The following FBN1 variants were observed in gnomAD, a reference collection of about 807,000 sequenced individuals.
The protein encoded by FBN1 is fibrillin-1.
In FBN1, 29 loss-of-function variants were observed where a neutral mutation model predicts 365.1. The observed-to-expected ratio is 0.08, with a 90% CI of 0.06 to 0.11. The LOEUF is 0.11. Among genes scored for constraint, FBN1 ranks in the 10% least tolerant of loss-of-function variants. The pLI is 1.00. For synonymous variants in FBN1, 1,210 were observed against 1,270.5 expected (o/e 0.95, Z 1.01); for missense variants, 2,476 against 3,703.2 (o/e 0.67, Z 8.60).
At chr15:48,621,836 A>C (rs564383873) in intron 2 of FBN1, among the ~76,000 whole-genome samples, 58 of 151,642 alleles carry the variant, frequency 3.8e-4, no homozygotes, top group African/African-American at 1.4e-3. Context: ...AAAATACAAA[A>C]AAAAAAAAAA....
chr15:48,601,190 A>T (rs1023689092), intron 4 of FBN1, among the ~76,000 whole-genome samples: 1 of 152,210 alleles, frequency 6.6e-6, no homozygotes, highest in Non-Finnish European at 1.5e-5. Context: ...ACAATGAGAC[A>T]CTCAGAGAAG....
chr15:48,452,247 T>TTGTG (rs931788466), intron 45 of FBN1, among the ~76,000 whole-genome samples: 1 of 151,914 alleles, frequency 6.6e-6, no homozygotes, highest in African/African-American at 2.4e-5. Flanking sequence ...GTATGCATAA[T>TTGTG]TGTGTGTGTG....
At chr15:48,618,976 G>A (rs567358788) in intron 2 of FBN1, among the ~76,000 whole-genome samples, 59 of 152,112 alleles carry the variant, frequency 3.9e-4, no homozygotes, top group African/African-American at 1.2e-3. Context: ...TCTACATTAC[G>A]GTGAGTTGTA....
chr15:48,466,072 C>T (rs1448236276), intron 38 of FBN1, among the ~76,000 whole-genome samples: 1 of 152,178 alleles, frequency 6.6e-6, no homozygotes, highest in Non-Finnish European at 1.5e-5. Flanking sequence ...GGCCACTGTC[C>T]TCAGTCCTTG....
At chr15:48,485,899 C>A (rs1222961378) in intron 29 of FBN1, among the ~76,000 whole-genome samples, 1 of 152,104 alleles carries the variant, frequency 6.6e-6, no homozygotes, top group African/African-American at 2.4e-5. Context: ...ATGAGCATGG[C>A]ACATTTTTAA....
chr15:48,449,016 T>A (rs2043180458), intron 45 of FBN1, 123 bp from the exon 46 acceptor site: 1 of 808,386 alleles, frequency 1.2e-6, no homozygotes, highest in Non-Finnish European at 2.1e-6. Context: ...ACAGATATAT[T>A]TATTTTTGCA....
intron 17 of FBN1, among the ~76,000 whole-genome samples, chr15:48,502,998 C>T (rs66993605): frequency 0.23 from 35,423 of 151,860 alleles, 5,187 homozygotes; most frequent in African/African-American, 0.41. Context: ...TAAATCAAAT[C>T]ATTAAAGAAA....
intron 50 of FBN1, 40 bp downstream of exon 50, chr15:48,441,681 C>T (rs771799391): frequency 1.2e-6 from 2 of 1,612,544 alleles, no homozygotes; most frequent in Admixed American, 3.3e-5. Flanking sequence ...CACAAATAAA[C>T]ATGCAGCATT....
Position 48,644,814 on chromosome 15 carries a change from G to T in FBN1, c.-45C>A. On this transcript the variant is annotated 5_prime_UTR_variant, in exon 2 of 66. Coordinates refer to ENST00000316623, the MANE Select transcript of FBN1 (RefSeq NM_000138.5). ...CTCCCGCCGCCTCTTGCCGCGCCCG[G>T]GGCTCGGTCTGCGGCCGCCGCTGCG... The T allele has an allele frequency of 6.3e-7, 1 of 1,583,860 alleles. No homozygotes were observed.
intron 34 of FBN1, among the ~76,000 whole-genome samples, chr15:48,473,483 A>C (rs2043394095): frequency 6.6e-6 from 1 of 152,232 alleles, no homozygotes; most frequent in Admixed American, 6.5e-5. Flanking sequence ...TAATTTATGT[A>C]ATGACAAGTC....
rs374491221 is a variant in FBN1, at chr15:48,515,356, C to T, written c.1468+31G>A. The T allele has an allele frequency of 1.4e-5, 22 of 1,613,158 alleles. No individual in the cohort carries two copies. In the African/African-American group the frequency reaches 2.9e-4, roughly 22 times the overall value. ...GTCAAGGAACAGAATTACAACAGAC[C>T]CTTGGTGCCAACCTAGGATGGATCA... On this transcript the variant is annotated intron_variant, in intron 12 of 65. Transcript: ENST00000316623.
chr15:48,618,383 T>A (rs1889699575), intron 2 of FBN1, among the ~76,000 whole-genome samples: 1 of 152,242 alleles, frequency 6.6e-6, no homozygotes, highest in Non-Finnish European at 1.5e-5. Context: ...TACTGTCTGA[T>A]GAAGGGGCCC....
intron 29 of FBN1, among the ~76,000 whole-genome samples, chr15:48,486,032 T>G (rs1480424347): frequency 4.6e-5 from 7 of 152,186 alleles, no homozygotes; most frequent in African/African-American, 1.7e-4. Flanking sequence ...TAATAGTGAA[T>G]GGGACAGACA....
chr15:48,466,634 G>C (rs1336471619), intron 38 of FBN1, among the ~76,000 whole-genome samples: 1 of 152,042 alleles, frequency 6.6e-6, no homozygotes, highest in Non-Finnish European at 1.5e-5. Context: ...CTGGCTCCCT[G>C]AAATTATATG....
chr15:48,588,457 AT>A (rs1239064680), intron 6 of FBN1, among the ~76,000 whole-genome samples: 1 of 152,214 alleles, frequency 6.6e-6, no homozygotes, highest in Admixed American at 6.5e-5. Context: ...CTAACGACAT[AT>A]AAAAATTAGT....
rs529334701 is a variant in FBN1, at chr15:48,513,814, A to G, written c.1469-146T>C. On this transcript the variant is annotated intron_variant, in intron 12 of 65. Coordinates refer to ENST00000316623, the MANE Select transcript of FBN1 (RefSeq NM_000138.5). Reference sequence around the variant, plus strand: ...AAAGGATCTTTTTTCTTTCCACTACAATATGTCATTAGCCATTTGAAGACT... The same window carrying G: ...AAAGGATCTTTTTTCTTTCCACTACGATATGTCATTAGCCATTTGAAGACT... 97 of 907,984 alleles carry G rather than the reference A, an allele frequency of 1.1e-4. No homozygotes were observed. In the African/African-American group the frequency reaches 1.5e-3, roughly 14 times the overall value. The allele number at this position is 907,984 out of a possible 1,614,324, so 56.2% of individuals were successfully genotyped here.
intron 4 of FBN1, among the ~76,000 whole-genome samples, chr15:48,606,142 A>C (rs1597628924): frequency 6.6e-6 from 1 of 152,198 alleles, no homozygotes; most frequent in African/African-American, 2.4e-5. Flanking sequence ...AAAATGGTAC[A>C]TACGGCGACT....
At chr15:48,577,357 T>C (rs1265054449) in intron 6 of FBN1, among the ~76,000 whole-genome samples, 1 of 152,224 alleles carries the variant, frequency 6.6e-6, no homozygotes, top group East Asian at 1.9e-4. Context: ...GGTACATATT[T>C]ACATGAACCA....
At chr15:48,511,897 G>C (rs1191042044) in intron 13 of FBN1, among the ~76,000 whole-genome samples, 1 of 152,146 alleles carries the variant, frequency 6.6e-6, no homozygotes, top group Non-Finnish European at 1.5e-5. Flanking sequence ...TTATTTAACA[G>C]TGCAGTCTCT....
Sources: gnomAD v4.1 joint callset for allele counts (sites outside exome capture counted in the v4.1 genomes callset) on GRCh38, gnomAD v4.1.1 for gene constraint, MANE v1.5 for transcripts, NCBI Gene and HGNC (gene_info 2026-07-23, HGNC 2026-07-21) for gene names.